RLF: variants seen among roughly 807,000 people sequenced by gnomAD.
RLF encodes the protein RLF zinc finger.
RLF carries 7 observed loss-of-function variants against 162.9 expected under a neutral mutation model. That is an observed-to-expected ratio of 0.04 (90% CI 0.02 to 0.08). RLF has a LOEUF of 0.08. Ranked by LOEUF, RLF falls within the 10% of genes least tolerant of loss-of-function variation. RLF has a pLI of 1.00. For missense variants in RLF, 1,664 were observed against 2,244.7 expected (o/e 0.74, Z 5.23); for synonymous variants, 782 against 791.5 (o/e 0.99, Z 0.20).
chr1:40,203,842 C>G (rs1021357996), intron 5 of RLF, among the ~76,000 whole-genome samples: 6 of 152,020 alleles, frequency 3.9e-5, no homozygotes, highest in Admixed American at 3.3e-4. Flanking sequence ...ATCTTACTCT[C>G]CAAATACAAT....
chr1:40,216,819 A>C (rs1054175798), intron 5 of RLF, among the ~76,000 whole-genome samples: 4 of 152,188 alleles, frequency 2.6e-5, no homozygotes, highest in Non-Finnish European at 4.4e-5. Context: ...TGGGAGGCAG[A>C]GGCGGGCAGA....
chr1:40,172,644 T>C (rs191519360), intron 1 of RLF, among the ~76,000 whole-genome samples: 2 of 152,154 alleles, frequency 1.3e-5, no homozygotes, highest in Admixed American at 6.6e-5. Flanking sequence ...AATCAGCAGG[T>C]AGTCCCAGCT....
chr1:40,240,597 G>A lies in RLF; in HGVS notation c.*150G>A. On this transcript the variant is annotated 3_prime_UTR_variant, in exon 8 of 8. Transcript: ENST00000372771. The stretch of plus-strand genomic sequence containing the variant: ...TGAATGTATAATATCTATGTCAGCA[G>A]TATTGGCTGAGTCCATTAGCTCTCC... The A allele has an allele frequency of 1.6e-6, 1 of 609,840 alleles. No individual in the cohort carries two copies. The highest frequency in any genetic ancestry group is 2.1e-5 in the South Asian group (1 of 47,042). 37.8% of individuals were successfully genotyped at this position (609,840 alleles called of 1,614,324 possible).
intron 4 of RLF, among the ~76,000 whole-genome samples, chr1:40,199,960 T>C (rs1642689064): frequency 6.6e-6 from 1 of 152,200 alleles, no homozygotes; most frequent in African/African-American, 2.4e-5. Context: ...ATATCATTGC[T>C]GAAAATAGAA....
chr1:40,179,346 A>G (rs977480420), intron 1 of RLF, among the ~76,000 whole-genome samples: 18 of 152,160 alleles, frequency 1.2e-4, no homozygotes, highest in African/African-American at 4.3e-4. Context: ...AGCATGATAA[A>G]GTTTGAACTT....
chr1:40,193,636 A>C (rs900015179), intron 3 of RLF, among the ~76,000 whole-genome samples: 2 of 152,236 alleles, frequency 1.3e-5, no homozygotes, highest in Non-Finnish European at 2.9e-5. Flanking sequence ...CAAGCTGTTA[A>C]AGCAAAATTG....
chr1:40,178,620 TTTTTTTTTTTTG>T (rs1217183727), intron 1 of RLF, among the ~76,000 whole-genome samples: 2 of 138,410 alleles, frequency 1.4e-5, no homozygotes, highest in East Asian at 2.0e-4. Flanking sequence ...GTCTTTGGTG[TTTTTTTTTTTTG>T]TTTTTTTTTT....
chr1:40,197,754 A>G (rs1401167558), intron 4 of RLF, among the ~76,000 whole-genome samples: 1 of 152,198 alleles, frequency 6.6e-6, no homozygotes, highest in Non-Finnish European at 1.5e-5. Context: ...GGACCACAGT[A>G]TAAGTGGTGG....
chr1:40,186,121 G>A (rs58809302), intron 1 of RLF, among the ~76,000 whole-genome samples: 7,876 of 151,930 alleles, frequency 0.052, 589 homozygotes, highest in African/African-American at 0.17. Flanking sequence ...TTTCACCACC[G>A]CACCCCAACC....
intron 1 of RLF, among the ~76,000 whole-genome samples, chr1:40,186,878 A>T (rs1642488364): frequency 6.6e-6 from 1 of 152,208 alleles, no homozygotes; most frequent in South Asian, 2.1e-4. Context: ...TTGATGAGAC[A>T]TAATGTCTGA....
In RLF at chr1:40,240,625, T is replaced by C; in HGVS notation, c.*178T>C. 1.8e-6 allele frequency: 1 copy of C among 564,978 alleles called. No homozygotes were observed. The highest frequency in any genetic ancestry group is 3.1e-6 in the Non-Finnish European group (1 of 319,064). 35.0% of individuals were successfully genotyped at this position (564,978 alleles called of 1,614,324 possible). A position where few individuals can be genotyped will look rare whatever the true frequency, so the allele number is the denominator to read the frequency against. On this transcript the variant is annotated 3_prime_UTR_variant, in exon 8 of 8. Transcript: ENST00000372771. ...TTGGCTGAGTCCATTAGCTCTCCAG[T>C]TGGTTTAATGATTGGGTTTATTTTT... is the stretch of plus-strand genomic sequence containing the variant.
At chr1:40,228,628 T>C (rs1003629970) in intron 6 of RLF, among the ~76,000 whole-genome samples, 1 of 151,920 alleles carries the variant, frequency 6.6e-6, no homozygotes, top group East Asian at 1.9e-4. Flanking sequence ...TCAACCTGCC[T>C]TTTACCACTT....
chr1:40,226,674 C>T (rs1042960973), intron 6 of RLF, among the ~76,000 whole-genome samples: 9 of 151,968 alleles, frequency 5.9e-5, no homozygotes, highest in Non-Finnish European at 1.2e-4. Context: ...ATTGTAATAG[C>T]TTTAAAAATT....
At chr1:40,226,129 A>G (rs1331088825) in intron 6 of RLF, among the ~76,000 whole-genome samples, 2 of 152,200 alleles carry the variant, frequency 1.3e-5, no homozygotes, top group South Asian at 4.1e-4. Context: ...TCGCTCAGAG[A>G]CATTTACAAA....
intron 1 of RLF, among the ~76,000 whole-genome samples, chr1:40,168,837 CA>C (rs1231542830): frequency 2.6e-5 from 4 of 151,604 alleles, no homozygotes; most frequent in African/African-American, 9.7e-5. Context: ...ACTAAAAATA[CA>C]AAAAATTAGC....
chr1:40,185,825 TCAAAAAAAAAAAAAAAG>T (rs1223282265), intron 1 of RLF, among the ~76,000 whole-genome samples: 3 of 30,224 alleles, frequency 9.9e-5, no homozygotes, highest in Non-Finnish European at 1.6e-4. Context: ...TGAGACTGTC[TCAAAAAAAAAAAAAAAG>T]CAAAAAAAAA....
intron 4 of RLF, among the ~76,000 whole-genome samples, chr1:40,197,751 A>G (rs1337857786): frequency 6.6e-6 from 1 of 152,236 alleles, no homozygotes; most frequent in Non-Finnish European, 1.5e-5. Context: ...TGAGGACCAC[A>G]GTATAAGTGG....
In RLF at chr1:40,161,944, C is replaced by G. The variant is rs1052381316; in HGVS notation, c.237+308C>G. Reference sequence around the variant, plus strand: ...TCCTGGCCGGGTGGTTGGAGCGCCACTGCCCCCTGAGGGATTGATTGCTTG... The same window carrying G: ...TCCTGGCCGGGTGGTTGGAGCGCCAGTGCCCCCTGAGGGATTGATTGCTTG... On this transcript the variant is annotated intron_variant, in intron 1 of 7. Transcript: ENST00000372771. This position sits in a 1 kb window ranked among gnomAD's most constrained non-coding sequence, Gnocchi z 4.4. Among the ~76,000 whole-genome samples, 4 of 152,236 alleles carry G rather than the reference C, an allele frequency of 2.6e-5. No individual in the cohort carries two copies. The highest frequency in any genetic ancestry group is 9.6e-5 in the African/African-American group (4 of 41,458).
chr1:40,234,673 G>T (rs1210194275), intron 7 of RLF, among the ~76,000 whole-genome samples: 1 of 152,214 alleles, frequency 6.6e-6, no homozygotes, highest in African/African-American at 2.4e-5. Context: ...GTCACTTGTT[G>T]TGAAGCTGGG....
Sources: allele counts gnomAD v4.1 joint callset (sites outside exome capture counted in the v4.1 genomes callset), GRCh38; gene constraint gnomAD v4.1.1; non-coding constraint Gnocchi (gnomAD v3.1); transcripts MANE v1.5; gene names NCBI Gene and HGNC (gene_info 2026-07-23, HGNC 2026-07-21).